The following HNRNPC variants were observed in gnomAD, a reference collection of about 807,000 sequenced individuals.
HNRNPC encodes the protein heterogeneous nuclear ribonucleoproteins C1/C2.
HNRNPC carries 3 observed loss-of-function variants against 33.2 expected under a neutral mutation model. The ratio of observed to expected loss-of-function variants is 0.09; its 90% CI spans 0.04 to 0.23. The LOEUF is 0.23. Among genes scored for constraint, HNRNPC ranks in the 10% least tolerant of loss-of-function variants. The pLI is 1.00. For missense variants in HNRNPC, 143 were observed against 366.7 expected, an observed-to-expected ratio of 0.39 and a Z score of 4.98; for synonymous variants, 121 against 126.7, an observed-to-expected ratio of 0.96 and a Z score of 0.30.
chr14:21,220,326 C>T (rs1244656285), intron 5 of HNRNPC, among the ~76,000 whole-genome samples: 2 of 151,704 alleles, frequency 1.3e-5, no homozygotes, highest in Non-Finnish European at 2.9e-5. Context: ...GTAACCTCCA[C>T]CTCCTGCATT....
chr14:21,213,111 G>A lies in HNRNPC; in HGVS notation c.372C>T (p.Tyr124=). The A allele has an allele frequency of 1.9e-6, 3 of 1,613,938 alleles. No individual in the cohort carries two copies. Among genetic ancestry groups the A allele is most frequent in the African/African-American group, 2.7e-5 (2 of 75,008 alleles). The change falls in exon 6 of 9, where the codon TAC becomes TAT. Residue 124 remains tyrosine (Y), a synonymous_variant. Transcript: ENST00000553300. ...GAGGAGGTACACGTGCTGGGTAACT[G>A]TACATCCTATTGGATAAGAGGAAAA... ...DFQRDYYDRM[Y]SYPARVPPPP...
rs1594250594 is a variant in HNRNPC at position 21,233,240 on chromosome 14, G to A, written c.241+713C>T. Among the ~76,000 whole-genome samples the A allele has an allele frequency of 2.6e-5, 4 of 152,098 alleles. No homozygotes were observed. The South Asian group carries it at 8.3e-4, about 32-fold the overall frequency. On this transcript the variant is annotated intron_variant, in intron 3 of 8. Transcript: ENST00000553300. ...GAAATAGACCCAAATTATGTATCTG[G>A]TTGGTTACATAACATTATCAAAGAA...
chr14:21,248,288 C>T (rs762769616), intron 2 of HNRNPC, among the ~76,000 whole-genome samples: 3 of 152,180 alleles, frequency 2.0e-5, no homozygotes. Flanking sequence ...TCAAGTATCT[C>T]CCCATCTCAG....
At chr14:21,258,727 G>C (rs1476997322) in intron 2 of HNRNPC, among the ~76,000 whole-genome samples, 3 of 152,040 alleles carry the variant, frequency 2.0e-5, no homozygotes, top group Non-Finnish European at 4.4e-5. Flanking sequence ...GACCCAACAA[G>C]GTATCAGAAA....
chr14:21,248,760 A>G (rs1256980294), intron 2 of HNRNPC, among the ~76,000 whole-genome samples: 2 of 152,368 alleles, frequency 1.3e-5, no homozygotes, highest in East Asian at 3.9e-4. Flanking sequence ...GTCAAAATAA[A>G]TGGTCCGTAT....
At chr14:21,229,085 T>TAAA (rs56112804) in intron 5 of HNRNPC, among the ~76,000 whole-genome samples, 2 of 107,848 alleles carry the variant, frequency 1.9e-5, no homozygotes, top group Non-Finnish European at 3.8e-5. Context: ...ATTCCGTATT[T>TAAA]AAAAAAAAAA....
chr14:21,246,329 G>A (rs1895975659), intron 2 of HNRNPC, among the ~76,000 whole-genome samples: 1 of 152,148 alleles, frequency 6.6e-6, no homozygotes, highest in Admixed American at 6.5e-5. Flanking sequence ...GAAGGCCGAG[G>A]CTGGTGGATC....
At chr14:21,245,998 A>G (rs1301870447) in intron 2 of HNRNPC, among the ~76,000 whole-genome samples, 3 of 152,038 alleles carry the variant, frequency 2.0e-5, no homozygotes, top group African/African-American at 7.2e-5. Context: ...GATGTGCACC[A>G]CCACGCCTGA....
intron 7 of HNRNPC, 74 bp downstream of exon 7, chr14:21,211,736 T>C: frequency 6.9e-7 from 1 of 1,456,226 alleles, no homozygotes; most frequent in Non-Finnish European, 9.6e-7. Context: ...ATTCCACTAT[T>C]CCAACATGTA....
rs367661289 is a variant in HNRNPC, at chr14:21,243,615, T to A, written c.-36-9386A>T. Among the ~76,000 whole-genome samples the A allele has an allele frequency of 2.4e-4, 36 of 152,342 alleles. No homozygotes were observed. In the East Asian group the frequency reaches 6.9e-3, roughly 29 times the overall value. ...GGAAAAGAAACTGGCATTTCCATTGTTTTAACTAACTAAACCAGTACACGT... is the reference window on the plus strand; with the variant it reads ...GGAAAAGAAACTGGCATTTCCATTGATTTAACTAACTAAACCAGTACACGT... On this transcript the variant is annotated intron_variant, in intron 2 of 8. Transcript: ENST00000553300.
At chr14:21,215,466 T>G (rs1285976439) in intron 5 of HNRNPC, among the ~76,000 whole-genome samples, 1 of 152,194 alleles carries the variant, frequency 6.6e-6, no homozygotes, top group Non-Finnish European at 1.5e-5. Context: ...CTGTTTAAAA[T>G]CTTTTACCAG....
chr14:21,249,475 T>G (rs1274795293), intron 2 of HNRNPC, among the ~76,000 whole-genome samples: 7 of 149,500 alleles, frequency 4.7e-5, no homozygotes, highest in Non-Finnish European at 1.5e-5. Flanking sequence ...TAATCCCAGC[T>G]ACTTGGGAGG....
chr14:21,245,882 G>C (rs1022695523), intron 2 of HNRNPC, among the ~76,000 whole-genome samples: 7 of 152,048 alleles, frequency 4.6e-5, no homozygotes, highest in Admixed American at 4.6e-4. Context: ...GTCTCCCTCT[G>C]TCACTAAGGC....
intron 5 of HNRNPC, among the ~76,000 whole-genome samples, chr14:21,217,259 TTG>T (rs1892293997): frequency 1.3e-5 from 2 of 152,344 alleles, no homozygotes; most frequent in South Asian, 2.1e-4. Flanking sequence ...TTTTTGTAGC[TTG>T]TGTTTTATTT....
At chr14:21,261,891 C>T (rs1027046558) in intron 2 of HNRNPC, among the ~76,000 whole-genome samples, 3 of 152,190 alleles carry the variant, frequency 2.0e-5, no homozygotes, top group African/African-American at 4.8e-5. Flanking sequence ...CTAATCTCTA[C>T]ACCATTCCTG....
intron 2 of HNRNPC, among the ~76,000 whole-genome samples, chr14:21,239,296 G>A (rs750222258): frequency 2.4e-4 from 36 of 151,516 alleles, no homozygotes; most frequent in Non-Finnish European, 2.7e-4. Flanking sequence ...AGCTAACATG[G>A]TGAAACACCA....
chr14:21,230,491 T>A (rs1893987572), intron 4 of HNRNPC, 125 bp from the exon 5 acceptor site: 6 of 670,366 alleles, frequency 9.0e-6, no homozygotes, highest in Non-Finnish European at 1.6e-5. Context: ...CACTGAATGA[T>A]CCCCAATCAT....
intron 1 of HNRNPC, among the ~76,000 whole-genome samples, chr14:21,267,569 C>G (rs1300226139): frequency 2.0e-5 from 3 of 152,222 alleles, no homozygotes; most frequent in East Asian, 1.9e-4. Flanking sequence ...GTCAGAAAAC[C>G]TGCAACCTGG....
At chr14:21,261,200 ATG>A in intron 2 of HNRNPC, among the ~76,000 whole-genome samples, 1 of 152,072 alleles carries the variant, frequency 6.6e-6, no homozygotes, top group East Asian at 1.9e-4. Flanking sequence ...TATTTCATTC[ATG>A]TGTCTCCCTC....
Sources: gnomAD v4.1 joint callset for allele counts (sites outside exome capture counted in the v4.1 genomes callset) on GRCh38, gnomAD v4.1.1 for gene constraint, MANE v1.5 for transcripts, NCBI Gene and HGNC (gene_info 2026-07-23, HGNC 2026-07-21) for gene names.